Variants in TCP11L2 observed in about 807,000 individuals in gnomAD.
The protein encoded by TCP11L2 is t-complex 11 like 2, also known as T-complex protein 11-like protein 2.
TCP11L2 carries 39 observed loss-of-function variants against 50.7 expected under a neutral mutation model. The ratio of observed to expected loss-of-function variants is 0.77; its 90% CI spans 0.60 to 1.01. TCP11L2 has a LOEUF of 1.01. Ranked by LOEUF, TCP11L2 falls within the 50% of genes least tolerant of loss-of-function variation. TCP11L2 has a pLI of 0.00. For missense variants in TCP11L2, 612 were observed against 614.7 expected (o/e 1.00, Z 0.05); for synonymous variants, 192 against 219.3 (o/e 0.88, Z 1.10).
chr12:106,320,442 T>G (rs934615174), intron 4 of TCP11L2, among the ~76,000 whole-genome samples: 1 of 152,146 alleles, frequency 6.6e-6, no homozygotes, highest in African/African-American at 2.4e-5. Context: ...GATTCCTAGC[T>G]GGGGCTGCCA....
chr12:106,332,745 T>G (rs969366072), intron 6 of TCP11L2, among the ~76,000 whole-genome samples: 2 of 63,516 alleles, frequency 3.1e-5, no homozygotes, highest in Non-Finnish European at 7.1e-5. Context: ...AGGAAGCTCT[T>G]TTTTTTGTCT....
rs757870326 is a variant in TCP11L2 at position 106,314,470 on chromosome 12, A to G, written c.270A>G (p.Lys90=). The G allele has an allele frequency of 1.2e-6, 2 of 1,613,100 alleles. No individual in the cohort carries two copies. The highest frequency in any genetic ancestry group is 2.2e-5 in the South Asian group (2 of 91,060). The change falls in exon 3 of 10, where the codon AAA becomes AAG. Residue 90 remains lysine (K), a synonymous_variant. Coordinates refer to ENST00000299045, the MANE Select transcript of TCP11L2 (RefSeq NM_152772.3). ...EIAVNENFQL[K]QEALPEKSLA... Reference sequence around the variant, plus strand: ...CTGTAAATGAGAACTTTCAATTGAAACAAGAGGCTCTCCCAGAAAAGAGGT... The same window carrying G: ...CTGTAAATGAGAACTTTCAATTGAAGCAAGAGGCTCTCCCAGAAAAGAGGT...
At chr12:106,338,705 G>A (rs921532336) in intron 8 of TCP11L2, among the ~76,000 whole-genome samples, 8 of 152,218 alleles carry the variant, frequency 5.3e-5, no homozygotes, top group African/African-American at 1.7e-4. Flanking sequence ...CAGTTGAATG[G>A]TAGTTCTGTT....
intron 8 of TCP11L2, among the ~76,000 whole-genome samples, chr12:106,340,590 T>G (rs1186064708): frequency 6.6e-6 from 1 of 152,258 alleles, no homozygotes; most frequent in Non-Finnish European, 1.5e-5. Context: ...TTTCTGCTTA[T>G]GCTTTTCTAT....
Position 106,344,204 on chromosome 12 carries a change from C to T in TCP11L2, c.1316-2082C>T, listed in dbSNP as rs147242725. Among the ~76,000 whole-genome samples the T allele has an allele frequency of 7.5e-4, 114 of 152,026 alleles. 1 individual carries two copies. Among genetic ancestry groups the T allele is most frequent in the African/African-American group, 2.6e-3 (108 of 41,478 alleles). ...ATAAGGCTTAAGTCACCTTTGTTTG[C>T]CTTCTTCAGTCCCCATTTTCCCCTG... On this transcript the variant is annotated intron_variant, in intron 9 of 9. Coordinates refer to ENST00000299045, the MANE Select transcript of TCP11L2 (RefSeq NM_152772.3).
intron 9 of TCP11L2, among the ~76,000 whole-genome samples, chr12:106,345,638 A>G (rs61940341): frequency 1.3e-5 from 2 of 148,186 alleles, no homozygotes; most frequent in African/African-American, 5.1e-5. Flanking sequence ...TTCCCCCCAA[A>G]TAGGGCTCTG....
chr12:106,342,847 A>G (rs1450683255), intron 9 of TCP11L2, among the ~76,000 whole-genome samples: 3 of 152,176 alleles, frequency 2.0e-5, no homozygotes, highest in African/African-American at 7.2e-5. Context: ...CAGAGTGGCC[A>G]GAGTGTCAGA....
intron 7 of TCP11L2, 33 bp downstream of exon 7, chr12:106,335,859 A>C (rs927210250): frequency 1.2e-6 from 2 of 1,600,332 alleles, no homozygotes; most frequent in Non-Finnish European, 1.7e-6. Flanking sequence ...CAAATTTCCC[A>C]GTATTTTTAT....
chr12:106,301,560 C>A (rs1337194493), upstream of TCP11L2, among the ~76,000 whole-genome samples: 3 of 152,150 alleles, frequency 2.0e-5, no homozygotes, highest in Non-Finnish European at 2.9e-5. Flanking sequence ...AAAATGTTGC[C>A]TGTTGTTTGT....
intron 1 of TCP11L2, among the ~76,000 whole-genome samples, chr12:106,310,526 C>T (rs2034813009): frequency 6.6e-6 from 1 of 152,194 alleles, no homozygotes; most frequent in Admixed American, 6.5e-5. Context: ...ATAATAGCAG[C>T]TAACATTTGA....
chr12:106,316,643 G>A (rs1295775313), intron 3 of TCP11L2, among the ~76,000 whole-genome samples: 1 of 152,018 alleles, frequency 6.6e-6, no homozygotes, highest in Non-Finnish European at 1.5e-5. Context: ...CTGTAACTGT[G>A]TACCACATTG....
At chr12:106,329,327 C>T (rs774915786) in intron 6 of TCP11L2, 4 of 1,536,092 alleles carry the variant, frequency 2.6e-6, no homozygotes, top group Non-Finnish European at 3.5e-6. Context: ...ATCCTGTCCC[C>T]AGGAAAAGCC....
rs763998268 is a variant in TCP11L2 at position 106,321,645 on chromosome 12, C to A, written c.574C>A (p.Pro192Thr). 2 of 1,614,122 alleles carry A rather than the reference C, an allele frequency of 1.2e-6. No homozygotes were observed. Among genetic ancestry groups the A allele is most frequent in the Admixed American group, 1.7e-5 (1 of 60,016 alleles). The change falls in exon 5 of 10, where the codon CCC becomes ACC. Residue 192 changes from proline (P) to threonine (T), a missense_variant. Transcript: ENST00000299045. ...CAGTACGATGGGAAAGCTGTGTGCT[C>A]CCGTGCGAGATAATGATATCAGAGA... ...VISTMGKLCA[P>T]VRDNDIRELK...
At chr12:106,321,899 A>G (rs1332212975) in intron 5 of TCP11L2, among the ~76,000 whole-genome samples, 193 bp downstream of exon 5, 2 of 152,208 alleles carry the variant, frequency 1.3e-5, no homozygotes. Context: ...TGATCTGACA[A>G]GGTTGTTAGT....
chr12:106,346,216 C>T (rs1490957723), intron 9 of TCP11L2, 70 bp from the exon 10 acceptor site: 15 of 1,478,782 alleles, frequency 1.0e-5, no homozygotes, highest in Non-Finnish European at 1.4e-5. Flanking sequence ...ACTACAATTA[C>T]TTGTTCTTGT....
intron 6 of TCP11L2, among the ~76,000 whole-genome samples, chr12:106,332,776 C>G (rs1055546893): frequency 8.6e-5 from 13 of 152,044 alleles, no homozygotes; most frequent in African/African-American, 3.1e-4. Flanking sequence ...GGGTATCAAC[C>G]CTCATGACCT....
chr12:106,325,780 G>A (rs113292526), intron 6 of TCP11L2: 51,098 of 151,314 alleles, frequency 0.34, 8,947 homozygotes, highest in African/African-American at 0.38. Context: ...AATCCCAGCT[G>A]CTCGGGAGGT....
At chr12:106,322,729 G>A (rs2035384131) in intron 5 of TCP11L2, among the ~76,000 whole-genome samples, 2 of 152,138 alleles carry the variant, frequency 1.3e-5, no homozygotes, top group Admixed American at 6.5e-5. Flanking sequence ...GCATGTAGTG[G>A]GTAATTTACT....
chr12:106,324,561 T>A (rs964076744), intron 6 of TCP11L2: 2 of 152,230 alleles, frequency 1.3e-5, no homozygotes, highest in Non-Finnish European at 2.9e-5. Flanking sequence ...AATATTCTTG[T>A]TCCTGGCTAC....
Sources: gnomAD v4.1 joint callset for allele counts (sites outside exome capture counted in the v4.1 genomes callset) on GRCh38, gnomAD v4.1.1 for gene constraint, MANE v1.5 for transcripts, NCBI Gene and HGNC (gene_info 2026-07-23, HGNC 2026-07-21) for gene names.